The following CPLX1 variants were observed in gnomAD, a reference collection of about 807,000 sequenced individuals.
The protein encoded by CPLX1 is complexin 1, also known as complexin-1.
In CPLX1, 6 loss-of-function variants were observed where a neutral mutation model predicts 15.6. That is an observed-to-expected ratio of 0.39 (90% CI 0.21 to 0.76). CPLX1 has a LOEUF of 0.76. Among genes scored for constraint, CPLX1 ranks in the 30% least tolerant of loss-of-function variants. The probability of loss-of-function intolerance (pLI) is 0.43; values close to 1 mark genes in which losing one functional copy is unlikely to be tolerated. For missense variants in CPLX1, 242 were observed against 188.6 expected, an observed-to-expected ratio of 1.28 and a Z score of -1.66; for synonymous variants, 91 against 75.2, an observed-to-expected ratio of 1.21 and a Z score of -1.08.
chr4:800,738 T>C (rs201851719), intron 2 of CPLX1, among the ~76,000 whole-genome samples: 13 of 47,198 alleles, frequency 2.8e-4, no homozygotes, highest in African/African-American at 2.6e-3. Flanking sequence ...AAAAAAAATA[T>C]ATATATATAT....
intron 2 of CPLX1, among the ~76,000 whole-genome samples, chr4:810,195 G>A (rs781216350): frequency 5.1e-4 from 77 of 152,048 alleles, no homozygotes; most frequent in African/African-American, 1.6e-3. Context: ...GATTACAGGC[G>A]CCTGCAACCA....
intron 2 of CPLX1, among the ~76,000 whole-genome samples, chr4:816,900 A>G (rs1239968136): frequency 2.0e-5 from 3 of 152,222 alleles, no homozygotes; most frequent in Non-Finnish European, 4.4e-5. Flanking sequence ...TGTGTTGGCA[A>G]GGACTGGAAA....
chr4:799,810 C>A (rs1473021619), intron 2 of CPLX1, among the ~76,000 whole-genome samples: 2 of 152,166 alleles, frequency 1.3e-5, no homozygotes, highest in Non-Finnish European at 2.9e-5. Context: ...TTGCAGTGAG[C>A]CGAGATTGCA....
chr4:797,705 C>T (rs1164154225), intron 2 of CPLX1, among the ~76,000 whole-genome samples: 4 of 150,012 alleles, frequency 2.7e-5, no homozygotes, highest in Non-Finnish European at 5.9e-5. Context: ...AGGCCAAGAC[C>T]GGCGGATCAC....
intron 2 of CPLX1, among the ~76,000 whole-genome samples, chr4:803,304 TG>T: frequency 6.6e-6 from 1 of 152,254 alleles, no homozygotes. Flanking sequence ...CACAGTCATG[TG>T]CCACATAAGG....
At chr4:824,086 G>A (rs961852528) in intron 2 of CPLX1, among the ~76,000 whole-genome samples, 2 of 152,230 alleles carry the variant, frequency 1.3e-5, no homozygotes, top group East Asian at 1.9e-4. Context: ...CTCTCCCACC[G>A]CTTGGCTCTC....
chr4:824,489 T>C lies in CPLX1; in HGVS notation c.31+3A>G. The C allele has an allele frequency of 6.2e-7, 1 of 1,608,828 alleles. No homozygotes were observed. Among genetic ancestry groups the C allele is most frequent in the Non-Finnish European group, 8.5e-7 (1 of 1,176,188 alleles). Reference sequence around the variant, plus strand: ...CCTCCCCACCCCACCTCCCGCTTCCTACCTCCTAGAGCCTGCTTCATCACA... The same window carrying C: ...CCTCCCCACCCCACCTCCCGCTTCCCACCTCCTAGAGCCTGCTTCATCACA... On this transcript the variant is annotated splice_donor_region_variant and intron_variant, in intron 2 of 3. Coordinates refer to ENST00000304062, the MANE Select transcript of CPLX1 (RefSeq NM_006651.4).
At chr4:807,467 C>T (rs1271602042) in intron 2 of CPLX1, among the ~76,000 whole-genome samples, 2 of 151,992 alleles carry the variant, frequency 1.3e-5, no homozygotes, top group Non-Finnish European at 2.9e-5. Flanking sequence ...ACATGTATCC[C>T]GGAACTTAAT....
At chr4:810,114 A>G (rs1233358749) in intron 2 of CPLX1, among the ~76,000 whole-genome samples, 1 of 139,800 alleles carries the variant, frequency 7.2e-6, no homozygotes, top group Non-Finnish European at 1.5e-5. Context: ...CAGTGGCATG[A>G]TCTCAGCTCA....
chr4:792,621 T>C lies in CPLX1; in HGVS notation c.32-13A>G, dbSNP rs535706262. On this transcript the variant is annotated splice_polypyrimidine_tract_variant and intron_variant, in intron 2 of 3. Transcript: ENST00000304062. ...TCCTTGGTGGCCCCTGGTACAGAAG[T>C]TGGTGATTCAGACCGCCCCATTCAG... The C allele has an allele frequency of 1.0e-5, 16 of 1,607,072 alleles. No individual in the cohort carries two copies. The highest frequency in any genetic ancestry group is 4.5e-5 in the East Asian group (2 of 44,242).
At chr4:795,917 C>G (rs901854834) in intron 2 of CPLX1, among the ~76,000 whole-genome samples, 2 of 152,116 alleles carry the variant, frequency 1.3e-5, no homozygotes, top group Admixed American at 6.5e-5. Flanking sequence ...GTTTCCTCTG[C>G]AGACATCGGG....
intron 2 of CPLX1, among the ~76,000 whole-genome samples, chr4:800,182 C>T (rs1560240932): frequency 6.6e-6 from 1 of 152,124 alleles, no homozygotes; most frequent in African/African-American, 2.4e-5. Flanking sequence ...AACCTTCATA[C>T]ATTTGGTCAC....
At chr4:818,378 C>T (rs545467308) in intron 2 of CPLX1, among the ~76,000 whole-genome samples, 7 of 152,266 alleles carry the variant, frequency 4.6e-5, no homozygotes, top group East Asian at 3.9e-4. Flanking sequence ...CGACTGCCAC[C>T]GTCTCAGAGA....
In CPLX1 at chr4:789,938, G is replaced by A. The variant is rs1746118306; in HGVS notation, c.207+2495C>T. 2.6e-5 allele frequency among the ~76,000 whole-genome samples: 2 copies of A among 76,556 alleles called. 1 individual carries two copies. Among genetic ancestry groups the A allele is most frequent in the South Asian group, 7.6e-4 (2 of 2,632 alleles). 50.2% of individuals were successfully genotyped at this position (76,556 alleles called of 152,430 possible). On this transcript the variant is annotated intron_variant, in intron 3 of 3. Transcript: ENST00000304062. Reference sequence around the variant, plus strand: ...TTCCCCCACCCCAACAGGTGGCCACGCCTGAAGGCAGGGTTCCCCTACCCC... The same window carrying A: ...TTCCCCCACCCCAACAGGTGGCCACACCTGAAGGCAGGGTTCCCCTACCCC...
At chr4:811,477 C>T (rs1009375553) in intron 2 of CPLX1, among the ~76,000 whole-genome samples, 48 of 152,222 alleles carry the variant, frequency 3.2e-4, no homozygotes, top group African/African-American at 3.6e-4. Flanking sequence ...TTCCTTGGCT[C>T]GTGGGCTATT....
rs1745981808 is a variant in CPLX1, at chr4:786,228, T to C, written c.*273A>G. 1 of 289,318 alleles carries C rather than the reference T, an allele frequency of 3.5e-6. No homozygotes were observed. The highest frequency in any genetic ancestry group is 6.4e-6 in the Non-Finnish European group (1 of 156,588). 17.9% of individuals were successfully genotyped at this position (289,318 alleles called of 1,614,324 possible). On this transcript the variant is annotated 3_prime_UTR_variant, in exon 4 of 4. Coordinates refer to ENST00000304062, the MANE Select transcript of CPLX1 (RefSeq NM_006651.4). ...CTTCGGCGGCCCTGGCCTCGGGCGCTGCTGGGTGGGCGGTAAACAGCAAGA... is the reference window on the plus strand; with the variant it reads ...CTTCGGCGGCCCTGGCCTCGGGCGCCGCTGGGTGGGCGGTAAACAGCAAGA...
chr4:792,713 C>T, intron 2 of CPLX1, 105 bp from the exon 3 acceptor site: 2 of 1,299,688 alleles, frequency 1.5e-6, no homozygotes, highest in Non-Finnish European at 2.1e-6. Flanking sequence ...CCAAACCCTC[C>T]ATCCACTCGA....
Position 824,570 on chromosome 4 carries a change from CA to C in CPLX1, c.-49del. 1 of 1,604,136 alleles carries C rather than the reference CA, an allele frequency of 6.2e-7. No homozygotes were observed. The highest frequency in any genetic ancestry group is 8.5e-7 in the Non-Finnish European group (1 of 1,171,910). On this transcript the variant is annotated 5_prime_UTR_variant, in exon 2 of 4. Coordinates refer to ENST00000304062, the MANE Select transcript of CPLX1 (RefSeq NM_006651.4). ...TGGCTCCTCCAGGGGTCAGAACTCACACGCAAGTATGGCCGGGAGCGAGTGT... is the reference window on the plus strand; with the variant it reads ...TGGCTCCTCCAGGGGTCAGAACTCACCGCAAGTATGGCCGGGAGCGAGTGT...
chr4:795,706 A>T (rs1376601888), intron 2 of CPLX1, among the ~76,000 whole-genome samples: 1 of 151,190 alleles, frequency 6.6e-6, no homozygotes, highest in Non-Finnish European at 1.5e-5. Context: ...CGCCCCCCAC[A>T]GCGGCACAGG....
Sources: allele counts gnomAD v4.1 joint callset (sites outside exome capture counted in the v4.1 genomes callset), GRCh38; gene constraint gnomAD v4.1.1; transcripts MANE v1.5; gene names NCBI Gene and HGNC (gene_info 2026-07-23, HGNC 2026-07-21).